KAZN: variants seen among roughly 807,000 people sequenced by gnomAD.
The protein encoded by KAZN is kazrin.
A neutral mutation model predicts 87.4 loss-of-function variants in KAZN; 40 were observed. The ratio of observed to expected loss-of-function variants is 0.46; its 90% CI spans 0.36 to 0.60. The LOEUF (loss-of-function observed/expected upper bound fraction) is 0.60, where lower values mean the gene tolerates loss of function less well. Among genes scored for constraint, KAZN ranks in the 20% least tolerant of loss-of-function variants. The pLI, the probability that KAZN is intolerant of heterozygous loss-of-function variation, is 0.00. For synonymous variants in KAZN, 466 were observed against 458.3 expected (o/e 1.02, Z -0.22); for missense variants, 898 against 1,073.9 (o/e 0.84, Z 2.29).
chr1:14,509,530 G>T (rs1016417558), intron 2 of KAZN, among the ~76,000 whole-genome samples: 3 of 152,194 alleles, frequency 2.0e-5, no homozygotes, highest in African/African-American at 7.2e-5. Context: ...ACATCAGAGA[G>T]GTAGGCGAGG....
intron 2 of KAZN, among the ~76,000 whole-genome samples, chr1:14,492,651 A>ACCG (rs1669711086): frequency 7.4e-3 from 1 of 136 alleles, no homozygotes; most frequent in East Asian, 0.17. Flanking sequence ...ATAACCACAC[A>ACCG]TGCACACACC....
chr1:14,130,425 T>G (rs1375856742), intron 1 of KAZN, among the ~76,000 whole-genome samples: 2 of 152,204 alleles, frequency 1.3e-5, no homozygotes, highest in East Asian at 3.8e-4. Context: ...ATTTTTTTAT[T>G]ATTAAAAAAA....
At chr1:14,324,895 T>C (rs879829330) in intron 2 of KAZN, among the ~76,000 whole-genome samples, 2 of 152,154 alleles carry the variant, frequency 1.3e-5, no homozygotes, top group Non-Finnish European at 2.9e-5. Context: ...TAATGTACAA[T>C]TTCCATTAGG....
intron 1 of KAZN, among the ~76,000 whole-genome samples, chr1:13,963,525 T>C (rs1641829635): frequency 6.6e-6 from 1 of 152,278 alleles, no homozygotes; most frequent in African/African-American, 2.4e-5. Context: ...GGGCATTTTG[T>C]GTTAGAAGAT....
intron 2 of KAZN, among the ~76,000 whole-genome samples, chr1:14,453,520 C>G (rs1199666528): frequency 6.6e-6 from 1 of 152,116 alleles, no homozygotes; most frequent in Non-Finnish European, 1.5e-5. Context: ...AATGCCTGCT[C>G]CACCATGTGC....
rs115673570 is a variant in KAZN, at chr1:14,447,733, A to G, written c.250-151250A>G. ...TCAGCCATGGGGTTGGGGGTCTCTCATTCTGGGAGGGGGCGCTGTCCTAAG... is the reference window on the plus strand; with the variant it reads ...TCAGCCATGGGGTTGGGGGTCTCTCGTTCTGGGAGGGGGCGCTGTCCTAAG... On this transcript the variant is annotated intron_variant, in intron 2 of 16. Transcript: ENST00000636203. Among the ~76,000 whole-genome samples, 690 of 152,130 alleles carry G rather than the reference A, an allele frequency of 4.5e-3. 1 individual carries two copies. The highest frequency in any genetic ancestry group is 7.4e-3 in the Non-Finnish European group (501 of 68,000).
At position 14,304,077 on chromosome 1, in the gene KAZN, G is replaced by A. The variant is rs893229091; in HGVS notation, c.249+123485G>A. On this transcript the variant is annotated intron_variant, in intron 2 of 16. Transcript: ENST00000636203. ...GATGGTGGGGCTGTCTTGCCATTTG[G>A]AAATCACAGCTTCCTCCTAATATTT... is the stretch of plus-strand genomic sequence containing the variant. 9.2e-5 allele frequency among the ~76,000 whole-genome samples: 14 copies of A among 152,182 alleles called. 1 individual carries two copies. Among genetic ancestry groups the A allele is most frequent in the Admixed American group, 5.9e-4 (9 of 15,276 alleles).
intron 4 of KAZN, among the ~76,000 whole-genome samples, chr1:15,050,063 G>GA (rs1359103949): frequency 3.3e-4 from 26 of 79,926 alleles, no homozygotes; most frequent in African/African-American, 1.9e-3. Flanking sequence ...GGGTAGGGTA[G>GA]GGTAGAGTAG....
intron 1 of KAZN, among the ~76,000 whole-genome samples, chr1:14,627,678 C>T (rs1245053575): frequency 2.0e-5 from 3 of 152,140 alleles, no homozygotes; most frequent in African/African-American, 4.8e-5. Flanking sequence ...GACTCCCAGC[C>T]GAGCTAGTTT....
At chr1:14,006,201 T>TA (rs1300855229) in intron 1 of KAZN, among the ~76,000 whole-genome samples, 8 of 152,216 alleles carry the variant, frequency 5.3e-5, no homozygotes, top group Non-Finnish European at 1.2e-4. Context: ...TGTGCTTTGA[T>TA]GTACTGGTTA....
intron 1 of KAZN, among the ~76,000 whole-genome samples, chr1:13,924,161 T>C (rs1037441668): frequency 2.0e-5 from 3 of 152,168 alleles, no homozygotes; most frequent in Admixed American, 6.5e-5. Context: ...TTCTTTGAGA[T>C]TTTTATCATC....
chr1:14,476,510 A>G (rs1668733923), intron 2 of KAZN, among the ~76,000 whole-genome samples: 1 of 152,222 alleles, frequency 6.6e-6, no homozygotes. Context: ...ATCAGAAGAC[A>G]GACAACAGGG....
intron 1 of KAZN, among the ~76,000 whole-genome samples, chr1:14,638,813 T>C (rs1012873635): frequency 6.6e-6 from 1 of 151,976 alleles, no homozygotes; most frequent in African/African-American, 2.4e-5. Context: ...CAGCAGCACC[T>C]CCCCTCTGAT....
At chr1:14,927,384 G>A (rs1467434217) in intron 1 of KAZN, among the ~76,000 whole-genome samples, 1 of 152,220 alleles carries the variant, frequency 6.6e-6, no homozygotes. Context: ...CTTATAGTCT[G>A]TGGGAGGAGA....
At chr1:14,682,260 C>G (rs528643950) in intron 1 of KAZN, among the ~76,000 whole-genome samples, 7 of 151,606 alleles carry the variant, frequency 4.6e-5, no homozygotes, top group Middle Eastern at 3.4e-3. Context: ...ACTTATAATA[C>G]CTTCAAGGTT....
intron 2 of KAZN, among the ~76,000 whole-genome samples, chr1:14,241,633 C>T (rs1487090574): frequency 6.6e-6 from 1 of 152,180 alleles, no homozygotes; most frequent in Non-Finnish European, 1.5e-5. Context: ...CTTACTGACT[C>T]CTTCCTGTCC....
intron 1 of KAZN, among the ~76,000 whole-genome samples, chr1:14,866,693 C>T (rs1305556918): frequency 6.6e-6 from 1 of 152,188 alleles, no homozygotes; most frequent in Non-Finnish European, 1.5e-5. Flanking sequence ...TGCCACTGCA[C>T]TCCAGCCTGG....
intron 2 of KAZN, among the ~76,000 whole-genome samples, chr1:14,584,747 C>T (rs796323612): frequency 1.5e-4 from 23 of 152,114 alleles, no homozygotes; most frequent in Non-Finnish European, 2.6e-4. Flanking sequence ...TGGGTTCAAG[C>T]GATTCTCCTG....
rs186994076 is a variant in KAZN at position 14,859,063 on chromosome 1, C to T, written c.227-101621C>T. On this transcript the variant is annotated intron_variant, in intron 1 of 14. Transcript: ENST00000376030. ...CTACTGAAAATACAAAAAAATTAGC[C>T]GGGCGTGGTGGCGGGCGCCTGTAGT... Among the ~76,000 whole-genome samples the T allele has an allele frequency of 1.1e-3, 173 of 152,110 alleles. 2 individuals carry two copies. The highest frequency in any genetic ancestry group is 6.8e-3 in the Middle Eastern group (2 of 294).
Sources: gnomAD v4.1 joint callset for allele counts (sites outside exome capture counted in the v4.1 genomes callset) on GRCh38, gnomAD v4.1.1 for gene constraint, MANE v1.5 for transcripts, NCBI Gene and HGNC (gene_info 2026-07-23, HGNC 2026-07-21) for gene names.